The following EPB41L3 variants were observed in gnomAD, a reference collection of about 807,000 sequenced individuals.
EPB41L3 encodes the protein erythrocyte membrane protein band 4.1 like 3.
Under a neutral mutation model 127.1 loss-of-function variants are expected in EPB41L3, and 57 were observed. The ratio of observed to expected loss-of-function variants is 0.45; its 90% CI spans 0.36 to 0.56. The LOEUF (loss-of-function observed/expected upper bound fraction) is 0.56. Among genes scored for constraint, EPB41L3 ranks in the 20% least tolerant of loss-of-function variants. The pLI is 0.00. For synonymous variants in EPB41L3, 572 were observed against 549.5 expected (o/e 1.04, Z -0.57); for missense variants, 1,273 against 1,372.2 (o/e 0.93, Z 1.14).
intron 9 of EPB41L3, among the ~76,000 whole-genome samples, chr18:5,426,850 A>G (rs1380415215): frequency 1.3e-5 from 2 of 152,218 alleles, no homozygotes; most frequent in Non-Finnish European, 2.9e-5. Flanking sequence ...ATGACTATCT[A>G]TTGGCTATAA....
At chr18:5,409,274 A>G (rs751141956) in intron 14 of EPB41L3, among the ~76,000 whole-genome samples, 2 of 152,196 alleles carry the variant, frequency 1.3e-5, no homozygotes, top group African/African-American at 2.4e-5. Context: ...TAAATGTTAC[A>G]TAATACATTT....
At chr18:5,550,592 T>C (rs1316602268) in intron 3 of EPB41L3, among the ~76,000 whole-genome samples, 3 of 152,166 alleles carry the variant, frequency 2.0e-5, no homozygotes, top group Non-Finnish European at 2.9e-5. Context: ...GGCCAGGCTG[T>C]TTTATAAACA....
chr18:5,438,135 G>T (rs1568176857), intron 5 of EPB41L3, 25 bp from the exon 6 acceptor site: 16 of 1,607,002 alleles, frequency 1.0e-5, no homozygotes, highest in Non-Finnish European at 1.4e-5. Context: ...AAAAATTAGA[G>T]TAAAACCTTG....
Position 5,394,802 on chromosome 18 carries a change from G to A in EPB41L3, c.3154-9C>T, listed in dbSNP as rs766846252. The A allele has an allele frequency of 1.4e-5, 23 of 1,613,536 alleles. No individual in the cohort carries two copies. In the East Asian group the frequency reaches 1.6e-4, roughly 11 times the overall value. ...ATTGCCTGAGCCAGCGCCTATCCCC[G>A]GGAAATCACAGAAGGGCAGAAACAA... is the stretch of plus-strand genomic sequence containing the variant. On this transcript the variant is annotated splice_polypyrimidine_tract_variant and intron_variant, in intron 21 of 22. Coordinates refer to ENST00000341928, the MANE Select transcript of EPB41L3 (RefSeq NM_012307.5).
At chr18:5,580,986 A>T (rs1420071644) in intron 3 of EPB41L3, among the ~76,000 whole-genome samples, 1 of 152,080 alleles carries the variant, frequency 6.6e-6, no homozygotes, top group African/African-American at 2.4e-5. Flanking sequence ...ATTGTATCTC[A>T]GTTTCTGCCT....
chr18:5,583,561 C>T (rs911116243), intron 3 of EPB41L3, among the ~76,000 whole-genome samples: 3 of 152,166 alleles, frequency 2.0e-5, no homozygotes, highest in Non-Finnish European at 4.4e-5. Flanking sequence ...AAAATTATGC[C>T]AGGAGCAACT....
intron 1 of EPB41L3, among the ~76,000 whole-genome samples, chr18:5,499,594 TCTA>T (rs2091534436): frequency 1.3e-5 from 2 of 151,532 alleles, no homozygotes; most frequent in South Asian, 4.2e-4. Flanking sequence ...AAACCGTATC[TCTA>T]CCAAAAAAAA....
intron 16 of EPB41L3, chr18:5,401,065 G>A: frequency 2.0e-6 from 3 of 1,491,998 alleles, no homozygotes; most frequent in Non-Finnish European, 2.7e-6. Context: ...AAGGGGGTTG[G>A]GTTGGAGAAG....
At chr18:5,504,838 C>T (rs553897693) in intron 1 of EPB41L3, among the ~76,000 whole-genome samples, 20 of 152,258 alleles carry the variant, frequency 1.3e-4, no homozygotes, top group African/African-American at 4.3e-4. Flanking sequence ...ACCACACGAG[C>T]TTCAACAGTC....
At chr18:5,618,477 G>A (rs751975736) in intron 1 of EPB41L3, among the ~76,000 whole-genome samples, 3 of 152,278 alleles carry the variant, frequency 2.0e-5, no homozygotes, top group South Asian at 2.1e-4. Flanking sequence ...CTCAACCTAC[G>A]TCTAAAGAGC....
intron 3 of EPB41L3, among the ~76,000 whole-genome samples, chr18:5,471,715 T>C (rs1286044167): frequency 2.6e-5 from 4 of 152,158 alleles, no homozygotes; most frequent in Admixed American, 6.5e-5. Context: ...GTCCATTTCA[T>C]GACATCAGCA....
intron 3 of EPB41L3, among the ~76,000 whole-genome samples, chr18:5,464,083 A>T (rs1202355209): frequency 6.6e-6 from 1 of 152,110 alleles, no homozygotes; most frequent in African/African-American, 2.4e-5. Context: ...AACATACTCA[A>T]CACTTGCTCT....
chr18:5,438,063 G>T lies in EPB41L3; in HGVS notation c.577C>A (p.Pro193Thr), dbSNP rs1305675835. The T allele has an allele frequency of 6.2e-7, 1 of 1,613,808 alleles. No homozygotes were observed. The highest frequency in any genetic ancestry group is 8.5e-7 in the Non-Finnish European group (1 of 1,179,916). ...SFNVKFYPPDPAQLSEDITRY... is the reference protein window; with the variant it reads ...SFNVKFYPPDTAQLSEDITRY... ...GTGATATCTTCAGATAGTTGGGCAG[G>T]GTCTGGTGGATAAAATTTCACATTA... The change falls in exon 6 of 23, where the codon CCT becomes ACT. Residue 193 changes from proline to threonine, a missense_variant. Pro to Thr is a conservative substitution (Grantham distance 38). Around this residue, in one of 3 missense-constraint regions of EPB41L3, gnomAD observed 326 missense variants for 440.2 expected, o/e 0.74. Transcript: ENST00000341928.
intron 1 of EPB41L3, among the ~76,000 whole-genome samples, chr18:5,621,890 A>T (rs928271106): frequency 6.6e-6 from 1 of 152,238 alleles, no homozygotes; most frequent in Non-Finnish European, 1.5e-5. Flanking sequence ...TTACTTTAGA[A>T]TAAGCAAGGC....
At position 5,489,184 on chromosome 18, in the gene EPB41L3, G is replaced by A. The variant is rs1222585614; in HGVS notation, c.-1C>T. ...AGTCTGATCCAGATTCGGTCGTCAT[G>A]GTTGATTGTTCTGCAAGCAGAAAAA... On this transcript the variant is annotated 5_prime_UTR_variant, in exon 2 of 23. Transcript: ENST00000341928. The A allele has an allele frequency of 2.5e-6, 4 of 1,592,962 alleles. No homozygotes were observed.
intron 16 of EPB41L3, among the ~76,000 whole-genome samples, chr18:5,404,247 G>T (rs1338487441): frequency 1.3e-5 from 2 of 152,146 alleles, no homozygotes; most frequent in African/African-American, 4.8e-5. Flanking sequence ...GATAAGCAGG[G>T]TTAATCAGCC....
At chr18:5,472,505 CT>C (rs1165945756) in intron 3 of EPB41L3, among the ~76,000 whole-genome samples, 1 of 152,172 alleles carries the variant, frequency 6.6e-6, no homozygotes, top group Non-Finnish European at 1.5e-5. Context: ...AAACTGGAAA[CT>C]TACAGAGCTA....
chr18:5,415,829 A>C lies in EPB41L3; in HGVS notation c.2056T>G (p.Ser686Ala). 1 of 1,612,334 alleles carries C rather than the reference A, an allele frequency of 6.2e-7. No individual in the cohort carries two copies. Among genetic ancestry groups the C allele is most frequent in the African/African-American group, 1.3e-5 (1 of 75,020 alleles). The change falls in exon 13 of 23, where the codon TCA becomes GCA. Residue 686 changes from serine (S) to alanine (A), a missense_variant. Ser to Ala is a moderately conservative substitution (Grantham distance 99, BLOSUM62 1). Coordinates refer to ENST00000341928, the MANE Select transcript of EPB41L3 (RefSeq NM_012307.5). ...ASLDNDPSDS[S>A]EEETDSERTD... ...GCCGAGGTACACACCTCTTCCTCTG[A>C]ACTGTCACTCGGGTCATTGTCTAGG...
At chr18:5,416,558 C>T (rs1001969689) in intron 12 of EPB41L3, among the ~76,000 whole-genome samples, 180 bp from the exon 13 acceptor site, 1 of 152,182 alleles carries the variant, frequency 6.6e-6, no homozygotes, top group Non-Finnish European at 1.5e-5. Flanking sequence ...ACTGTTGCCA[C>T]GAACGGCTAC....
Sources: allele counts gnomAD v4.1 joint callset (sites outside exome capture counted in the v4.1 genomes callset), GRCh38; gene constraint gnomAD v4.1.1; regional missense constraint gnomAD v4.1.1; transcripts MANE v1.5; gene names NCBI Gene and HGNC (gene_info 2026-07-23, HGNC 2026-07-21).